Variants in SMR3A observed in about 807,000 individuals in gnomAD.
SMR3A encodes the protein submaxillary gland androgen-regulated protein 3A.
For synonymous variants in SMR3A, 48 were observed against 57.4 expected, an observed-to-expected ratio of 0.84 and a Z score of 0.74; for missense variants, 188 against 163.0, an observed-to-expected ratio of 1.15 and a Z score of -0.84.
chr4:70,361,963 C>A (rs1732154924), intron 1 of SMR3A, 139 bp from the exon 2 acceptor site: 2 of 1,385,868 alleles, frequency 1.4e-6, no homozygotes, highest in Non-Finnish European at 1.9e-6. Flanking sequence ...ATACTGAATC[C>A]AAAATAATGT....
chr4:70,366,645 C>G lies in SMR3A; in HGVS notation c.56C>G (p.Pro19Arg). The G allele has an allele frequency of 6.3e-7, 1 of 1,599,482 alleles. No individual in the cohort carries two copies. ...GLWALAACFT[P>R]GESQRGPRGP... is the part of the protein sequence containing the mutation. The stretch of plus-strand genomic sequence containing the variant: ...TTATTTACTTCTTTGTTTCCACAGC[C>G]TGGTGAGAGTCAAAGAGGCCCCAGG... Residue 19 changes from proline (P) to arginine (R), a missense_variant and splice_region_variant, in exon 3 of 3, where the codon CCT becomes CGT. Transcript: ENST00000226460.
chr4:70,362,678 T>A (rs1732174432), intron 2 of SMR3A, among the ~76,000 whole-genome samples: 1 of 151,834 alleles, frequency 6.6e-6, no homozygotes, highest in South Asian at 2.1e-4. Context: ...AAAACTAGGT[T>A]AAGGACAACT....
At position 70,362,150 on chromosome 4, in the gene SMR3A, C is replaced by G. The variant is rs372541865; in HGVS notation, c.35C>G (p.Ala12Gly). The G allele has an allele frequency of 7.6e-5, 123 of 1,611,770 alleles. No homozygotes were observed. Among genetic ancestry groups the G allele is most frequent in the Non-Finnish European group, 9.8e-5 (115 of 1,178,416 alleles). ...KSLTWILGLW[A>G]LAACFTPGES... ...CTGACTTGGATCTTGGGCCTTTGGG[C>G]TCTTGCAGCGTGTTTCACAGTAAGT... The change falls in exon 2 of 3, where the codon GCT (alanine) becomes GGT (glycine). Residue 12 changes from alanine (A) to glycine (G), a missense_variant. Transcript: ENST00000226460.
Position 70,367,157 on chromosome 4 carries a change from G to A in SMR3A, c.*163G>A. On this transcript the variant is annotated 3_prime_UTR_variant, in exon 3 of 3. Transcript: ENST00000226460. ...TGAGAATAAAGATTTCCAAAGCACTGAGCTTTTGGGAGAAATATCTTAGAA... is the reference window on the plus strand; with the variant it reads ...TGAGAATAAAGATTTCCAAAGCACTAAGCTTTTGGGAGAAATATCTTAGAA... 3.1e-6 allele frequency: 2 copies of A among 651,942 alleles called. No homozygotes were observed. The highest frequency in any genetic ancestry group is 5.2e-6 in the Non-Finnish European group (2 of 382,078). The allele number at this position is 651,942 out of a possible 1,614,324, so 40.4% of individuals were successfully genotyped here. A position where few individuals can be genotyped will look rare whatever the true frequency, so the allele number is the denominator to read the frequency against.
chr4:70,365,130 T>G (rs1732232006), intron 2 of SMR3A, among the ~76,000 whole-genome samples: 1 of 152,098 alleles, frequency 6.6e-6, no homozygotes, highest in African/African-American at 2.4e-5. Flanking sequence ...TTGTATTCTT[T>G]AAGCCTCTTT....
intron 2 of SMR3A, among the ~76,000 whole-genome samples, chr4:70,365,640 A>G (rs1388872809): frequency 1.3e-5 from 2 of 151,986 alleles, no homozygotes; most frequent in African/African-American, 4.8e-5. Flanking sequence ...ACTTCCCTTT[A>G]GATCACATTT....
At chr4:70,361,633 A>AC (rs1732149679) in intron 1 of SMR3A, among the ~76,000 whole-genome samples, 1 of 151,742 alleles carries the variant, frequency 6.6e-6, no homozygotes. Context: ...TCTTTTCCTT[A>AC]TTTTTGAGAT....
At chr4:70,366,281 GA>G (rs199845447) in intron 2 of SMR3A, among the ~76,000 whole-genome samples, 21,791 of 145,676 alleles carry the variant, frequency 0.15, 1,831 homozygotes, top group South Asian at 0.42. Context: ...TTGTTGGCAG[GA>G]TTCAGTCCCT....
chr4:70,362,316 AAATTTAAAATCTAATTT>A (rs1732167424), intron 2 of SMR3A, 147 bp downstream of exon 2: 2 of 1,428,044 alleles, frequency 1.4e-6, no homozygotes, highest in Admixed American at 5.1e-5. Context: ...GGTTAAATTT[AAATTTAAAATCTAATTT>A]AATTTAAATA....
In SMR3A at chr4:70,366,920, C is replaced by T; in HGVS notation, c.331C>T (p.Pro111Ser). The change falls in exon 3 of 3, where the codon CCC becomes TCC. Residue 111 changes from proline to serine, a missense_variant. Physicochemically the swap from Pro to Ser is moderately conservative, Grantham distance 74 (BLOSUM62 -1). Transcript: ENST00000226460. Reference sequence around the variant, plus strand: ...TCCACAGCCACCTTCCCAACCAAGACCCTATCCACCTGGACCTCCATTTTT... The same window carrying T: ...TCCACAGCCACCTTCCCAACCAAGATCCTATCCACCTGGACCTCCATTTTT... ...GYPQPPSQPR[P>S]YPPGPPFFPV... 1 of 1,613,716 alleles carries T rather than the reference C, an allele frequency of 6.2e-7. No homozygotes were observed. The highest frequency in any genetic ancestry group is 1.1e-5 in the South Asian group (1 of 91,068).
At chr4:70,361,396 T>C (rs1227075351) in intron 1 of SMR3A, among the ~76,000 whole-genome samples, 2 of 152,008 alleles carry the variant, frequency 1.3e-5, no homozygotes, top group East Asian at 3.9e-4. Flanking sequence ...GAACTCAAGC[T>C]ATCAGGTACT....
At chr4:70,365,658 C>A (rs567856075) in intron 2 of SMR3A, among the ~76,000 whole-genome samples, 42 of 152,132 alleles carry the variant, frequency 2.8e-4, no homozygotes, top group African/African-American at 8.9e-4. Flanking sequence ...TTTATCCCCC[C>A]CTGTATTGTA....
chr4:70,366,314 T>C (rs561650324), intron 2 of SMR3A, among the ~76,000 whole-genome samples: 6 of 15,416 alleles, frequency 3.9e-4, no homozygotes, highest in South Asian at 3.9e-3. Flanking sequence ...CTGAAGCCCC[T>C]ATTTTTTTTG....
rs534203154 is a variant in SMR3A, at chr4:70,363,098, A to C, written c.54+929A>C. 2.6e-5 allele frequency among the ~76,000 whole-genome samples: 4 copies of C among 152,114 alleles called. 1 individual carries two copies. The South Asian group carries it at 8.3e-4, about 32-fold the overall frequency. On this transcript the variant is annotated intron_variant, in intron 2 of 2. Coordinates refer to ENST00000226460, the MANE Select transcript of SMR3A (RefSeq NM_012390.4). ...CCAATAAAACATATTGACATCCGTTAAATGTCATGTCTTAATGACTTCATC... is the reference window on the plus strand; with the variant it reads ...CCAATAAAACATATTGACATCCGTTCAATGTCATGTCTTAATGACTTCATC...
intron 1 of SMR3A, among the ~76,000 whole-genome samples, chr4:70,361,585 CT>C (rs1318129997): frequency 2.0e-5 from 3 of 151,764 alleles, no homozygotes; most frequent in Non-Finnish European, 4.4e-5. Flanking sequence ...TAATATGACT[CT>C]TTTTTTCTTA....
chr4:70,366,625 T>A lies in SMR3A; in HGVS notation c.55-19T>A. ...GTGAAATATCTGATTTAAAATTATTTACTTCTTTGTTTCCACAGCCTGGTG... is the reference window on the plus strand; with the variant it reads ...GTGAAATATCTGATTTAAAATTATTAACTTCTTTGTTTCCACAGCCTGGTG... On this transcript the variant is annotated intron_variant, in intron 2 of 2. Coordinates refer to ENST00000226460, the MANE Select transcript of SMR3A (RefSeq NM_012390.4). 6.4e-7 allele frequency: 1 copy of A among 1,555,124 alleles called. No homozygotes were observed. The highest frequency in any genetic ancestry group is 1.4e-5 in the African/African-American group (1 of 73,048).
rs1223026559 is a variant in SMR3A, at chr4:70,367,017, C to T, written c.*23C>T. ...TAAATACAGACAACTGCAACAGGTG[C>T]CACCACCCACAAAAGACAACACTAC... On this transcript the variant is annotated 3_prime_UTR_variant, in exon 3 of 3. Coordinates refer to ENST00000226460, the MANE Select transcript of SMR3A (RefSeq NM_012390.4). 1.9e-6 allele frequency: 3 copies of T among 1,595,608 alleles called. No individual in the cohort carries two copies. The highest frequency in any genetic ancestry group is 4.5e-5 in the East Asian group (2 of 44,684).
In SMR3A at chr4:70,366,651, A is replaced by T. The variant is rs1320488382; in HGVS notation, c.62A>T (p.Glu21Val). ...ACTTCTTTGTTTCCACAGCCTGGTG[A>T]GAGTCAAAGAGGCCCCAGGGGACCA... is the stretch of plus-strand genomic sequence containing the variant. The part of the protein sequence containing the change: ...WALAACFTPG[E>V]SQRGPRGPYP... Residue 21 changes from glutamate (E) to valine (V), a missense_variant, in exon 3 of 3, where the codon GAG becomes GTG. By Grantham distance (121) the Glu-to-Val change is moderately radical (BLOSUM62 -2). Transcript: ENST00000226460. 1 of 1,602,506 alleles carries T rather than the reference A, an allele frequency of 6.2e-7. No individual in the cohort carries two copies. Among genetic ancestry groups the T allele is most frequent in the Admixed American group, 1.7e-5 (1 of 58,528 alleles).
chr4:70,362,208 T>C (rs1308985712), intron 2 of SMR3A, 39 bp downstream of exon 2: 5 of 1,609,858 alleles, frequency 3.1e-6, no homozygotes, highest in Non-Finnish European at 4.2e-6. Flanking sequence ...CTTTATACTT[T>C]CTCATTAACC....
Sources: gnomAD v4.1 joint callset for allele counts (sites outside exome capture counted in the v4.1 genomes callset) on GRCh38, gnomAD v4.1.1 for gene constraint, MANE v1.5 for transcripts, NCBI Gene and HGNC (gene_info 2026-07-23, HGNC 2026-07-21) for gene names.